AARS1: variants seen among roughly 807,000 people sequenced by gnomAD.
The protein encoded by AARS1 is alanyl-tRNA synthetase 1.
Under a neutral mutation model 108.9 loss-of-function variants are expected in AARS1, and 72 were observed. That is an observed-to-expected ratio of 0.66 (90% confidence interval 0.55 to 0.80). AARS1 has a LOEUF of 0.80. Among genes scored for constraint, AARS1 ranks in the 30% least tolerant of loss-of-function variants. The pLI is 0.00. For missense variants in AARS1, 1,193 were observed against 1,233.2 expected (o/e 0.97, Z 0.49); for synonymous variants, 489 against 465.7 (o/e 1.05, Z -0.64).
Position 70,269,887 on chromosome 16 carries a change from T to C in AARS1, c.817-124A>G, listed in dbSNP as rs1374252507. 3 of 1,316,772 alleles carry C rather than the reference T, an allele frequency of 2.3e-6. No individual in the cohort carries two copies. In the African/African-American group the frequency reaches 4.4e-5, roughly 19 times the overall value. The allele number at this position is 1,316,772 out of a possible 1,614,324, so 81.6% of individuals were successfully genotyped here. On this transcript the variant is annotated intron_variant, in intron 6 of 20. Transcript: ENST00000261772. ...AGGATGCCGGTCTTGCCAGATCCTATAACCCCAAGAACGTGACATTGGGGA... is the reference window on the plus strand; with the variant it reads ...AGGATGCCGGTCTTGCCAGATCCTACAACCCCAAGAACGTGACATTGGGGA...
At chr16:70,261,772 C>T (rs564497052) in intron 12 of AARS1, among the ~76,000 whole-genome samples, 4 of 150,124 alleles carry the variant, frequency 2.7e-5, no homozygotes, top group African/African-American at 7.4e-5. Flanking sequence ...TGGGTTCAAG[C>T]GATTCTCCCC....
intron 9 of AARS1, among the ~76,000 whole-genome samples, chr16:70,266,579 T>C (rs1212147113): frequency 1.3e-5 from 2 of 151,682 alleles, no homozygotes; most frequent in Non-Finnish European, 2.9e-5. Flanking sequence ...TGGAGTGTAC[T>C]GGTGTGATCT....
At chr16:70,280,249 C>A (rs1220793905) in intron 2 of AARS1, among the ~76,000 whole-genome samples, 1 of 152,080 alleles carries the variant, frequency 6.6e-6, no homozygotes, top group Admixed American at 6.6e-5. Flanking sequence ...CGGAGTCTCA[C>A]TCTGTTGCCC....
chr16:70,265,323 C>A, intron 10 of AARS1: 1 of 919,566 alleles, frequency 1.1e-6, no homozygotes, highest in Non-Finnish European at 1.7e-6. Context: ...TACGTGACAG[C>A]AGGATCTGCC....
intron 9 of AARS1, among the ~76,000 whole-genome samples, chr16:70,266,670 C>T (rs996372153): frequency 2.7e-5 from 4 of 150,588 alleles, no homozygotes; most frequent in Non-Finnish European, 4.4e-5. Flanking sequence ...TATGGGTGCC[C>T]GCCATCATGC....
At chr16:70,279,677 A>AAC (rs1555542696) in intron 2 of AARS1, among the ~76,000 whole-genome samples, 2 of 151,202 alleles carry the variant, frequency 1.3e-5, no homozygotes, top group Non-Finnish European at 3.0e-5. Context: ...AAACAAAAAA[A>AAC]AAAAAAAAAA....
intron 1 of AARS1, among the ~76,000 whole-genome samples, chr16:70,283,680 T>C (rs1354856242): frequency 6.6e-6 from 1 of 152,180 alleles, no homozygotes; most frequent in Non-Finnish European, 1.5e-5. Context: ...GAGGCGGCTG[T>C]CAGCAGCAAT....
At chr16:70,268,855 G>T (rs985202624) in intron 7 of AARS1, among the ~76,000 whole-genome samples, 1 of 152,222 alleles carries the variant, frequency 6.6e-6, no homozygotes, top group South Asian at 2.1e-4. Flanking sequence ...TTAAAAAAGG[G>T]GTGGGGGATT....
chr16:70,256,256 C>T (rs1362179544), intron 15 of AARS1, among the ~76,000 whole-genome samples: 2 of 152,146 alleles, frequency 1.3e-5, no homozygotes, highest in African/African-American at 4.8e-5. Context: ...GTTCAGAGAA[C>T]CTCAAATGTT....
chr16:70,253,119 C>A, intron 20 of AARS1, 149 bp downstream of exon 20: 1 of 874,638 alleles, frequency 1.1e-6, no homozygotes, highest in South Asian at 1.4e-5. Context: ...CAGATGTCTT[C>A]ACCAATAAGA....
chr16:70,268,151 G>C (rs931546812), intron 8 of AARS1, 120 bp downstream of exon 8: 9 of 942,568 alleles, frequency 9.5e-6, no homozygotes, highest in Non-Finnish European at 1.2e-5. Context: ...GTGGGTGACA[G>C]AGTGAGACTC....
chr16:70,254,519 C>A, intron 17 of AARS1, 102 bp downstream of exon 17: 2 of 853,366 alleles, frequency 2.3e-6, no homozygotes, highest in Non-Finnish European at 2.0e-6. Context: ...AAGGCCCATT[C>A]CACCAAGAAC....
At chr16:70,274,278 T>G (rs1253947690) in intron 4 of AARS1, among the ~76,000 whole-genome samples, 1 of 149,938 alleles carries the variant, frequency 6.7e-6, no homozygotes, top group Non-Finnish European at 1.5e-5. Context: ...GAGACGGAGG[T>G]TGCGGTGAGC....
chr16:70,289,391 G>C (rs7186024), intron 1 of AARS1, 30 bp downstream of exon 1: 12 of 369,546 alleles, frequency 3.2e-5, no homozygotes, highest in Non-Finnish European at 1.1e-5. Flanking sequence ...CGCTCTCCTA[G>C]CACCGCAGAG....
chr16:70,270,837 CAAAAAAAAAAAAAA>C (rs1158290824), intron 5 of AARS1, among the ~76,000 whole-genome samples: 1 of 53,454 alleles, frequency 1.9e-5, no homozygotes, highest in Non-Finnish European at 4.0e-5. Context: ...AACTCCATCT[CAAAAAAAAAAAAAA>C]AAAAGAAAAG....
intron 4 of AARS1, among the ~76,000 whole-genome samples, chr16:70,275,598 TA>T (rs1196512425): frequency 1.3e-5 from 2 of 151,556 alleles, no homozygotes; most frequent in East Asian, 3.9e-4. Context: ...CCGTCTCTAC[TA>T]AAAAATACAA....
At chr16:70,274,560 C>A (rs1383077721) in intron 4 of AARS1, among the ~76,000 whole-genome samples, 1 of 151,206 alleles carries the variant, frequency 6.6e-6, no homozygotes, top group African/African-American at 2.4e-5. Flanking sequence ...CCCATCTCTA[C>A]TAAAAATACA....
intron 5 of AARS1, 131 bp downstream of exon 5, chr16:70,271,650 T>C: frequency 2.2e-6 from 2 of 927,256 alleles, no homozygotes; most frequent in Admixed American, 2.0e-5. Context: ...CCCATCCTTG[T>C]TCCAGAGATC....
In AARS1 at chr16:70,265,008, G is replaced by C; in HGVS notation, c.1442C>G (p.Thr481Arg). The change falls in exon 11 of 21, where the codon ACA becomes AGA. Residue 481 changes from threonine (T) to arginine (R), a missense_variant. By Grantham distance (71) the Thr-to-Arg change is moderately conservative. Transcript: ENST00000261772. ...EELRARGLEVTDDSPKYNYHL... is the reference protein window; with the variant it reads ...EELRARGLEVRDDSPKYNYHL... ...GTAATTGTACTTTGGGGAATCATCTGTGACCTCCAGACCCCGTGCCCGGAG... is the reference window on the plus strand; with the variant it reads ...GTAATTGTACTTTGGGGAATCATCTCTGACCTCCAGACCCCGTGCCCGGAG... 1 of 1,614,158 alleles carries C rather than the reference G, an allele frequency of 6.2e-7. No homozygotes were observed. The highest frequency in any genetic ancestry group is 8.5e-7 in the Non-Finnish European group (1 of 1,180,020).
Sources: gnomAD v4.1 joint callset for allele counts (sites outside exome capture counted in the v4.1 genomes callset) on GRCh38, gnomAD v4.1.1 for gene constraint, MANE v1.5 for transcripts, NCBI Gene and HGNC (gene_info 2026-07-23, HGNC 2026-07-21) for gene names.